ATP2B3: variants seen among roughly 807,000 people sequenced by gnomAD.
ATP2B3 encodes the protein ATPase plasma membrane Ca2+ transporting 3.
A neutral mutation model predicts 70.8 loss-of-function variants in ATP2B3; 12 were observed. The observed-to-expected ratio is 0.17, with a 90% CI of 0.11 to 0.27. ATP2B3 has a LOEUF of 0.27. Among genes scored for constraint, ATP2B3 ranks in the 10% least tolerant of loss-of-function variants. The pLI is 1.00. For synonymous variants in ATP2B3, 460 were observed against 497.8 expected (o/e 0.92, Z 1.01); for missense variants, 858 against 1,118.5 (o/e 0.77, Z 3.32).
intron 2 of ATP2B3, among the ~76,000 whole-genome samples, chrX:153,523,028 A>G (rs1234561155): frequency 1.8e-5 from 2 of 111,719 alleles, no homozygotes; most frequent in Non-Finnish European, 3.8e-5. Context: ...TAAATCCAAC[A>G]TCTCCATTTG....
chrX:153,525,796 A>G (rs782445085), intron 2 of ATP2B3, among the ~76,000 whole-genome samples: 2 of 113,111 alleles, frequency 1.8e-5, no homozygotes, highest in South Asian at 7.2e-4. Flanking sequence ...TCATCTGCCC[A>G]CAACACTGTG....
chrX:153,574,949 A>G (rs58043010), intron 21 of ATP2B3: 5,651 of 300,036 alleles, frequency 0.019, 264 homozygotes, highest in African/African-American at 0.14. Flanking sequence ...TCATCCACGC[A>G]AGTCGGGAGC....
chrX:153,561,562 C>T (rs182329249), intron 19 of ATP2B3, among the ~76,000 whole-genome samples: 14 of 111,230 alleles, frequency 1.3e-4, no homozygotes, highest in Non-Finnish European at 7.6e-5. Flanking sequence ...GTGGTTCCCT[C>T]GGGGAGGAGC....
chrX:153,575,019 G>A (rs1176384855), intron 21 of ATP2B3: 13 of 253,941 alleles, frequency 5.1e-5, no homozygotes, highest in East Asian at 1.1e-4. Flanking sequence ...CAAACTGCCC[G>A]GGACAGCCTC....
chrX:153,575,305 G>A (rs2090842037), intron 21 of ATP2B3, among the ~76,000 whole-genome samples: 1 of 112,636 alleles, frequency 8.9e-6, no homozygotes, highest in African/African-American at 3.2e-5. Flanking sequence ...TGCCCCAGGG[G>A]GATTACCTTC....
intron 20 of ATP2B3, among the ~76,000 whole-genome samples, chrX:153,564,416 C>T (rs2090671624): frequency 8.9e-6 from 1 of 112,768 alleles, no homozygotes; most frequent in Admixed American, 9.3e-5. Flanking sequence ...GTTAGTGTAG[C>T]CTACGGGGCA....
rs916332594 is a variant in ATP2B3, at chrX:153,580,809, G to C, written c.*511G>C. On this transcript the variant is annotated 3_prime_UTR_variant, in exon 22 of 22. Transcript: ENST00000263519. ...AAAAAAAAAAAAAGTTGAGTGCTCTGCAGGCCTGTGAAGGGTGCCACCTGA... is the reference window on the plus strand; with the variant it reads ...AAAAAAAAAAAAAGTTGAGTGCTCTCCAGGCCTGTGAAGGGTGCCACCTGA... 2.7e-5 allele frequency: 3 copies of C among 109,595 alleles called. No homozygotes were observed. Among genetic ancestry groups the C allele is most frequent in the Non-Finnish European group, 5.6e-5 (3 of 53,679 alleles). 9.0% of individuals were successfully genotyped at this position (109,595 alleles called of 1,213,427 possible). A position where few individuals can be genotyped will look rare whatever the true frequency, so the allele number is the denominator to read the frequency against.
chrX:153,576,369 C>G (rs1368792549), intron 21 of ATP2B3, among the ~76,000 whole-genome samples: 2 of 111,625 alleles, frequency 1.8e-5, no homozygotes, highest in Non-Finnish European at 3.8e-5. Flanking sequence ...GTAGGGCCCA[C>G]AGGACACGTG....
At chrX:153,559,617 T>G in intron 17 of ATP2B3, 112 bp from the exon 18 acceptor site, 8 of 640,550 alleles carry the variant, frequency 1.2e-5, no homozygotes, top group African/African-American at 2.2e-5. Flanking sequence ...TTCATGGGCA[T>G]GAAATCCTGG....
At chrX:153,573,108 G>A (rs911226872) in intron 21 of ATP2B3, among the ~76,000 whole-genome samples, 41 of 112,796 alleles carry the variant, frequency 3.6e-4, no homozygotes, top group Non-Finnish European at 7.1e-4. Flanking sequence ...GCAGGGGTTA[G>A]GCAGCAGGCC....
At chrX:153,548,551 C>T in intron 9 of ATP2B3, 89 bp from the exon 10 acceptor site, 1 of 843,345 alleles carries the variant, frequency 1.2e-6, no homozygotes. Context: ...GCCTCCGAGA[C>T]CGTGTCCATA....
rs782620859 is a variant in ATP2B3, at chrX:153,560,768, A to G, written c.2932A>G (p.Met978Val). Residue 978 changes from methionine to valine, a missense_variant, in exon 19 of 22, where the codon ATG becomes GTG. This residue lies in a region of ATP2B3 where 265 missense variants were observed against 305.3 expected (regional missense o/e 0.87). Coordinates refer to ENST00000263519, the MANE Select transcript of ATP2B3 (RefSeq NM_001001344.3). ...CACCATCATCTTCAACACGTTCGTC[A>G]TGATGCAGCTCTTTAACGAGATCAA... Reference protein sequence around the residue: ...HYTIIFNTFVMMQLFNEINAR... With the variant: ...HYTIIFNTFVVMQLFNEINAR... 3.3e-5 allele frequency: 40 copies of G among 1,210,492 alleles called. No homozygotes were observed. Among genetic ancestry groups the G allele is most frequent in the Non-Finnish European group, 4.1e-5 (37 of 895,337 alleles).
At chrX:153,557,160 A>C in intron 16 of ATP2B3, 137 bp downstream of exon 16, 1 of 629,031 alleles carries the variant, frequency 1.6e-6, no homozygotes, top group Non-Finnish European at 2.4e-6. Context: ...TTTCTTTCAC[A>C]TCCTGGCCAC....
At chrX:153,551,897 G>A (rs374379934) in intron 12 of ATP2B3, among the ~76,000 whole-genome samples, 126 of 112,340 alleles carry the variant, frequency 1.1e-3, no homozygotes, top group African/African-American at 3.9e-3. Context: ...CATGACTGCC[G>A]TCCCAGGGCC....
At position 153,569,482 on chromosome X, in the gene ATP2B3, G is replaced by A. The variant is rs1384290402; in HGVS notation, c.3342+4379G>A. The A allele has an allele frequency of 3.5e-5, 29 of 840,364 alleles. No individual in the cohort carries two copies. In the South Asian group the frequency reaches 5.3e-4, roughly 15 times the overall value. 69.3% of individuals were successfully genotyped at this position (840,364 alleles called of 1,213,427 possible). ...CAGCTCCCAGTGAGCGGGGTGACCC[G>A]ATGAGGCTTTGCTGTCACCCTATGT... On this transcript the variant is annotated intron_variant, in intron 21 of 21. Coordinates refer to ENST00000263519, the MANE Select transcript of ATP2B3 (RefSeq NM_001001344.3).
chrX:153,552,752 A>G (rs901970612), intron 12 of ATP2B3, among the ~76,000 whole-genome samples: 6 of 112,421 alleles, frequency 5.3e-5, no homozygotes, highest in Admixed American at 4.7e-4. Context: ...GGGCGTGGGC[A>G]GGGCCGAAGC....
chrX:153,574,261 C>A (rs2090827532), intron 21 of ATP2B3, among the ~76,000 whole-genome samples: 3 of 112,250 alleles, frequency 2.7e-5, no homozygotes, highest in Admixed American at 9.4e-5. Context: ...TTGTTTTGAG[C>A]CTGGAAACCC....
chrX:153,567,071 C>T (rs181348996), intron 21 of ATP2B3, among the ~76,000 whole-genome samples: 8 of 112,714 alleles, frequency 7.1e-5, no homozygotes, highest in African/African-American at 1.9e-4. Context: ...GGTCTGGACT[C>T]TGAACACTGT....
At chrX:153,521,391 G>A (rs1240685712) in intron 2 of ATP2B3, among the ~76,000 whole-genome samples, 1 of 112,812 alleles carries the variant, frequency 8.9e-6, no homozygotes, top group African/African-American at 3.2e-5. Flanking sequence ...CGGGCATCCT[G>A]GACTGCCCAA....
Sources: allele counts gnomAD v4.1 joint callset (sites outside exome capture counted in the v4.1 genomes callset), GRCh38; gene constraint gnomAD v4.1.1; regional missense constraint gnomAD v4.1.1; transcripts MANE v1.5; gene names NCBI Gene and HGNC (gene_info 2026-07-23, HGNC 2026-07-21).